DTNA: variants seen among roughly 807,000 people sequenced by gnomAD.
DTNA encodes dystrobrevin alpha, also known as dystrophin-related protein 3.
DTNA carries 43 observed loss-of-function variants against 100.7 expected under a neutral mutation model. The observed-to-expected ratio is 0.43, with a 90% CI of 0.33 to 0.55. The LOEUF (loss-of-function observed/expected upper bound fraction) is 0.55, where lower values mean the gene tolerates loss of function less well. Among genes scored for constraint, DTNA ranks in the 20% least tolerant of loss-of-function variants. The pLI is 0.04. For synonymous variants in DTNA, 349 were observed against 347.9 expected (o/e 1.00, Z -0.04); for missense variants, 798 against 953.9 (o/e 0.84, Z 2.15).
At chr18:34,853,546 A>G (rs1320613297) in intron 15 of DTNA, among the ~76,000 whole-genome samples, 1 of 152,120 alleles carries the variant, frequency 6.6e-6, no homozygotes, top group Non-Finnish European at 1.5e-5. Context: ...GGAAACCACA[A>G]ATTAGGATAG....
At chr18:34,740,260 G>C (rs1388067968) in intron 1 of DTNA, among the ~76,000 whole-genome samples, 1 of 152,134 alleles carries the variant, frequency 6.6e-6, no homozygotes, top group Admixed American at 6.5e-5. Flanking sequence ...ATTGCTCTGT[G>C]CATTGAAGGA....
At chr18:34,664,351 A>G (rs1378131222) in intron 1 of DTNA, among the ~76,000 whole-genome samples, 1 of 152,090 alleles carries the variant, frequency 6.6e-6, no homozygotes, top group East Asian at 1.9e-4. Flanking sequence ...GTCACATGTA[A>G]TGGGTTTATC....
chr18:34,642,553 CTTTCTTTCT>C lies in DTNA; in HGVS notation c.-1-113405_-1-113397del, dbSNP rs909099389. Among the ~76,000 whole-genome samples, 37 of 150,106 alleles carry C rather than the reference CTTTCTTTCT, an allele frequency of 2.5e-4. No individual in the cohort carries two copies. In the South Asian group the frequency reaches 3.6e-3, roughly 15 times the overall value. On this transcript the variant is annotated intron_variant, in intron 1 of 19. Transcript: ENST00000283365. ...TCTTTCTTTCCTTCCTTCCTTCTTT[CTTTCTTTCT>C]TTTCTTTCTTTTCTTTCAACGGAGT... is the stretch of plus-strand genomic sequence containing the variant.
chr18:34,718,333 C>A (rs1204579115), intron 1 of DTNA, among the ~76,000 whole-genome samples: 1 of 152,114 alleles, frequency 6.6e-6, no homozygotes, highest in Admixed American at 6.5e-5. Flanking sequence ...TCTTAACATT[C>A]TTTGATTTTG....
chr18:34,666,897 C>T (rs558094797), intron 1 of DTNA, among the ~76,000 whole-genome samples: 336 of 152,116 alleles, frequency 2.2e-3, no homozygotes, highest in African/African-American at 7.9e-3. Context: ...ATTGACTTGG[C>T]GATGCGGGCT....
intron 3 of DTNA, among the ~76,000 whole-genome samples, chr18:34,773,906 T>G (rs768548197): frequency 3.9e-5 from 6 of 152,224 alleles, no homozygotes; most frequent in Non-Finnish European, 7.4e-5. Context: ...TTTTGTTTCC[T>G]TGTTAGTAGA....
chr18:34,846,832 C>T (rs2096387892), intron 13 of DTNA, among the ~76,000 whole-genome samples: 1 of 152,114 alleles, frequency 6.6e-6, no homozygotes, highest in African/African-American at 2.4e-5. Context: ...TGTAAATGTA[C>T]ATATAATAGT....
At chr18:34,755,679 C>A in intron 1 of DTNA, 1 of 354,058 alleles carries the variant, frequency 2.8e-6, no homozygotes, top group South Asian at 2.7e-5. Context: ...AGTCACCTAA[C>A]AGATGGTAGA....
intron 1 of DTNA, among the ~76,000 whole-genome samples, chr18:34,630,747 G>A (rs189792885): frequency 1.3e-5 from 2 of 152,156 alleles, no homozygotes; most frequent in Admixed American, 1.3e-4. Context: ...TTGTAGCTCT[G>A]TTCATGCAGC....
chr18:34,669,020 G>A (rs2076351032), intron 1 of DTNA, among the ~76,000 whole-genome samples: 1 of 152,200 alleles, frequency 6.6e-6, no homozygotes, highest in South Asian at 2.1e-4. Context: ...AATGTTGACA[G>A]TGGGGTATGA....
chr18:34,864,909 G>C (rs920792670), intron 17 of DTNA, among the ~76,000 whole-genome samples: 2 of 152,102 alleles, frequency 1.3e-5, no homozygotes, highest in African/African-American at 4.8e-5. Flanking sequence ...TTTCTCATTG[G>C]GAAGTGGCAT....
chr18:34,716,579 A>T (rs1369175208), intron 1 of DTNA, among the ~76,000 whole-genome samples: 1 of 152,142 alleles, frequency 6.6e-6, no homozygotes, highest in African/African-American at 2.4e-5. Flanking sequence ...AAAGAAAGAA[A>T]GAAAAAAAGC....
At chr18:34,881,981 G>T (rs1160321828) in intron 20 of DTNA, 88 bp from the exon 21 acceptor site, 14 of 1,577,042 alleles carry the variant, frequency 8.9e-6, no homozygotes, top group Non-Finnish European at 1.2e-5. Context: ...AAATAAAGGT[G>T]CCAACGAAAC....
At chr18:34,791,994 A>G (rs183624200) in intron 3 of DTNA, among the ~76,000 whole-genome samples, 193 of 152,326 alleles carry the variant, frequency 1.3e-3, no homozygotes, top group Non-Finnish European at 2.0e-3. Context: ...GAGCACAGGT[A>G]TCTTCCCTTC....
intron 1 of DTNA, among the ~76,000 whole-genome samples, chr18:34,562,867 C>G (rs913694364): frequency 1.3e-5 from 2 of 152,208 alleles, no homozygotes; most frequent in African/African-American, 4.8e-5. Context: ...TAATTCTATG[C>G]TATCCTTAAA....
intron 1 of DTNA, among the ~76,000 whole-genome samples, chr18:34,521,171 C>T (rs1179415608): frequency 6.6e-6 from 1 of 152,124 alleles, no homozygotes; most frequent in Admixed American, 6.5e-5. Flanking sequence ...CTTCCCTCAT[C>T]CCAGTATGTT....
At chr18:34,831,211 C>G (rs2096001003) in intron 11 of DTNA, among the ~76,000 whole-genome samples, 1 of 152,126 alleles carries the variant, frequency 6.6e-6, no homozygotes, top group Non-Finnish European at 1.5e-5. Flanking sequence ...AGAGTAAAGA[C>G]TAATGAAAAA....
chr18:34,778,797 A>G (rs114233309), intron 3 of DTNA, among the ~76,000 whole-genome samples: 21,425 of 151,912 alleles, frequency 0.14, 1,575 homozygotes, highest in African/African-American at 0.17. Context: ...AGCTATATAT[A>G]TAGGGAAAGT....
rs75758681 is a variant in DTNA, at chr18:34,768,155, A to G, written c.148+2114A>G. On this transcript the variant is annotated intron_variant, in intron 3 of 22. Transcript: ENST00000444659. ...CACGTTCTTATCATGTGTTACCACT[A>G]CAATGGCCTCAGAATTGGAGGGGAA... Among the ~76,000 whole-genome samples, 656 of 152,274 alleles carry G rather than the reference A, an allele frequency of 4.3e-3. 4 individuals carry two copies. The highest frequency in any genetic ancestry group is 7.4e-3 in the Non-Finnish European group (502 of 68,016).
Sources: gnomAD v4.1 joint callset for allele counts (sites outside exome capture counted in the v4.1 genomes callset) on GRCh38, gnomAD v4.1.1 for gene constraint, MANE v1.5 for transcripts, NCBI Gene and HGNC (gene_info 2026-07-23, HGNC 2026-07-21) for gene names.